PTGER3: variants seen among roughly 807,000 people sequenced by gnomAD.
PTGER3 encodes prostaglandin E receptor 3.
In PTGER3, 22 loss-of-function variants were observed where a neutral mutation model predicts 34.7. The observed-to-expected ratio is 0.63, with a 90% confidence interval of 0.45 to 0.91. PTGER3 has a LOEUF of 0.91. Ranked by LOEUF, PTGER3 falls within the 40% of genes least tolerant of loss-of-function variation. The pLI is 0.00. For missense variants in PTGER3, 468 were observed against 519.4 expected (o/e 0.90, Z 0.96); for synonymous variants, 241 against 230.1 (o/e 1.05, Z -0.43).
At chr1:70,897,609 A>G (rs1449583788) in intron 4 of PTGER3, among the ~76,000 whole-genome samples, 1 of 152,112 alleles carries the variant, frequency 6.6e-6, no homozygotes, top group Admixed American at 6.6e-5. Context: ...ATATCATAGT[A>G]TCATAAGACA....
chr1:71,006,682 T>C (rs1444986796), intron 2 of PTGER3: 1 of 984,324 alleles, frequency 1.0e-6, no homozygotes, highest in Non-Finnish European at 1.2e-6. Flanking sequence ...GTTATGCACA[T>C]GATTATGGAA....
intron 3 of PTGER3, among the ~76,000 whole-genome samples, chr1:70,973,418 A>G (rs553142465): frequency 3.3e-5 from 5 of 152,260 alleles, no homozygotes; most frequent in Non-Finnish European, 4.4e-5. Flanking sequence ...ATATATCTCT[A>G]TTGAAAAAAC....
intron 2 of PTGER3, among the ~76,000 whole-genome samples, chr1:70,976,362 T>A (rs1361720712): frequency 6.6e-6 from 1 of 152,116 alleles, no homozygotes; most frequent in Non-Finnish European, 1.5e-5. Context: ...GCGGTGTCCT[T>A]GTAGATTCAT....
intron 1 of PTGER3, among the ~76,000 whole-genome samples, chr1:71,043,473 C>T (rs1660484474): frequency 6.6e-6 from 1 of 152,142 alleles, no homozygotes; most frequent in South Asian, 2.1e-4. Flanking sequence ...TGTTTCTGTA[C>T]TACCAAGTTT....
intron 4 of PTGER3, among the ~76,000 whole-genome samples, chr1:70,922,752 A>C (rs1647671508): frequency 6.6e-6 from 1 of 152,240 alleles, no homozygotes; most frequent in South Asian, 2.1e-4. Context: ...AATTATAAGA[A>C]GTCTTGGGAA....
intron 1 of PTGER3, among the ~76,000 whole-genome samples, chr1:71,043,887 G>A (rs1450147727): frequency 6.6e-6 from 1 of 151,146 alleles, no homozygotes; most frequent in Non-Finnish European, 1.5e-5. Context: ...CGTGATCTCG[G>A]CTCACAGCAA....
intron 2 of PTGER3, among the ~76,000 whole-genome samples, chr1:71,001,882 A>G (rs1358559511): frequency 6.6e-6 from 1 of 152,204 alleles, no homozygotes; most frequent in Non-Finnish European, 1.5e-5. Context: ...TGAGATGAGA[A>G]CAATCATAAT....
chr1:70,999,052 C>A (rs559987616), intron 2 of PTGER3, among the ~76,000 whole-genome samples: 1 of 152,030 alleles, frequency 6.6e-6, no homozygotes. Flanking sequence ...TGGTGGCGGG[C>A]GCCTGTAGTC....
intron 4 of PTGER3, among the ~76,000 whole-genome samples, chr1:70,919,168 T>C (rs924031868): frequency 2.0e-5 from 3 of 152,128 alleles, no homozygotes; most frequent in African/African-American, 7.2e-5. Flanking sequence ...TCTCTAAAAA[T>C]GTAAACCACC....
chr1:71,018,770 G>T (rs1658142262), intron 1 of PTGER3, among the ~76,000 whole-genome samples: 1 of 152,024 alleles, frequency 6.6e-6, no homozygotes, highest in Non-Finnish European at 1.5e-5. Flanking sequence ...TTTTTGTGAG[G>T]CTAATAATTT....
intron 2 of PTGER3, among the ~76,000 whole-genome samples, chr1:70,988,790 A>G (rs1354557036): frequency 6.6e-6 from 1 of 152,150 alleles, no homozygotes; most frequent in Non-Finnish European, 1.5e-5. Flanking sequence ...TAACATAGTG[A>G]TAAAGTCATC....
chr1:70,993,216 G>T (rs968008418), intron 2 of PTGER3, among the ~76,000 whole-genome samples: 7 of 152,142 alleles, frequency 4.6e-5, no homozygotes, highest in African/African-American at 1.7e-4. Context: ...TCCTACGTTT[G>T]TTACATATCC....
intron 4 of PTGER3, among the ~76,000 whole-genome samples, chr1:70,901,576 A>C (rs913706309): frequency 6.6e-5 from 10 of 152,200 alleles, no homozygotes; most frequent in African/African-American, 2.4e-4. Context: ...CAGATGCTGC[A>C]CTGGCACCAT....
chr1:70,973,121 C>CGTGTGTGT (rs71898506), intron 3 of PTGER3, among the ~76,000 whole-genome samples: 160 of 143,944 alleles, frequency 1.1e-3, no homozygotes, highest in Non-Finnish European at 1.8e-3. Context: ...CCAGTGTGCA[C>CGTGTGTGT]GTGTGTGTGT....
chr1:70,918,897 G>T (rs895730673), intron 4 of PTGER3, among the ~76,000 whole-genome samples: 2 of 151,894 alleles, frequency 1.3e-5, no homozygotes, highest in African/African-American at 4.8e-5. Flanking sequence ...ATGAAGCAGA[G>T]AATTAGGACA....
intron 3 of PTGER3, chr1:70,953,661 G>A (rs1003175701): frequency 1.2e-5 from 18 of 1,494,460 alleles, no homozygotes; most frequent in African/African-American, 5.8e-5. Context: ...AGGAAAACAC[G>A]AACTTTCAAT....
intron 2 of PTGER3, chr1:71,010,437 G>A: frequency 3.9e-5 from 38 of 984,014 alleles, no homozygotes; most frequent in Non-Finnish European, 4.6e-5. Context: ...GAATAAATAT[G>A]TATTAGACAG....
At chr1:70,862,038 GAAT>G (rs1467741517) in intron 4 of PTGER3, among the ~76,000 whole-genome samples, 1 of 151,858 alleles carries the variant, frequency 6.6e-6, no homozygotes, top group Non-Finnish European at 1.5e-5. Context: ...GGATGATTGA[GAAT>G]AATTGAATAA....
At chr1:70,926,513 T>G (rs973553039) in intron 4 of PTGER3, among the ~76,000 whole-genome samples, 1 of 152,156 alleles carries the variant, frequency 6.6e-6, no homozygotes, top group African/African-American at 2.4e-5. Context: ...ATGCTTGTGA[T>G]TTTTGTACAT....
Sources: gnomAD v4.1 joint callset for allele counts (sites outside exome capture counted in the v4.1 genomes callset) on GRCh38, gnomAD v4.1.1 for gene constraint, MANE v1.5 for transcripts, NCBI Gene and HGNC (gene_info 2026-07-23, HGNC 2026-07-21) for gene names.